Variants in DGCR2 observed in about 807,000 individuals in gnomAD.
DGCR2 encodes DiGeorge syndrome critical region gene 2.
In DGCR2, 24 loss-of-function variants were observed where a neutral mutation model predicts 51.6. The observed-to-expected ratio is 0.47, with a 90% CI of 0.34 to 0.65. DGCR2 has a LOEUF of 0.65. Among genes scored for constraint, DGCR2 ranks in the 30% least tolerant of loss-of-function variants. The pLI is 0.01. For missense variants in DGCR2, 765 were observed against 772.1 expected, an observed-to-expected ratio of 0.99 and a Z score of 0.11; for synonymous variants, 340 against 315.4, an observed-to-expected ratio of 1.08 and a Z score of -0.82.
chr22:19,091,886 A>G (rs554297208), intron 1 of DGCR2, among the ~76,000 whole-genome samples: 131 of 152,014 alleles, frequency 8.6e-4, no homozygotes, highest in Middle Eastern at 3.5e-3. Context: ...AAATTACAAA[A>G]GAAGAGCAAA....
Position 19,063,291 on chromosome 22 carries a change from G to C in DGCR2, c.549-13C>G. The C allele has an allele frequency of 3.7e-6, 6 of 1,609,776 alleles. No individual in the cohort carries two copies. The highest frequency in any genetic ancestry group is 5.1e-6 in the Non-Finnish European group (6 of 1,176,384). On this transcript the variant is annotated splice_polypyrimidine_tract_variant and intron_variant, in intron 4 of 9. Coordinates refer to ENST00000263196, the MANE Select transcript of DGCR2 (RefSeq NM_005137.3). ...GCCAACCCACAACCTGCAGGGCACAGAGACAGAGACAGAGATCTCAGCGGC... is the reference window on the plus strand; with the variant it reads ...GCCAACCCACAACCTGCAGGGCACACAGACAGAGACAGAGATCTCAGCGGC...
intron 6 of DGCR2, among the ~76,000 whole-genome samples, chr22:19,050,830 GA>G (rs977351494): frequency 6.6e-6 from 1 of 151,976 alleles, no homozygotes; most frequent in Non-Finnish European, 1.5e-5. Context: ...AAAATTTTAG[GA>G]AAAAAACACA....
intron 5 of DGCR2, among the ~76,000 whole-genome samples, chr22:19,060,219 A>T (rs1185002719): frequency 6.6e-6 from 1 of 152,216 alleles, no homozygotes. Context: ...CTGCTGACTG[A>T]GGCTTCTAAA....
Position 19,048,600 on chromosome 22 carries a change from C to T in DGCR2, c.846G>A (p.Gly282=). Residue 282 remains glycine, a synonymous_variant, in exon 7 of 10, where the codon GGG becomes GGA. Transcript: ENST00000263196. ...CGTCCCCCTTAGGGGTGAAGTAGAA[C>T]CCTTCATCCACCACGTTGTCCTTGA... ...VDIKDNVVDE[G]FYFTPKGDDP... The T allele has an allele frequency of 6.2e-7, 1 of 1,614,246 alleles. No homozygotes were observed. The highest frequency in any genetic ancestry group is 8.5e-7 in the Non-Finnish European group (1 of 1,180,040).
chr22:19,069,440 C>G (rs1474141787), intron 2 of DGCR2, among the ~76,000 whole-genome samples: 1 of 152,150 alleles, frequency 6.6e-6, no homozygotes, highest in Non-Finnish European at 1.5e-5. Context: ...TTGAAAAATA[C>G]AAAAGTTTGA....
chr22:19,052,868 T>A (rs999165882), intron 6 of DGCR2, among the ~76,000 whole-genome samples: 1 of 152,134 alleles, frequency 6.6e-6, no homozygotes, highest in Admixed American at 6.5e-5. Flanking sequence ...CCCCAAAAGG[T>A]TGCAACTATA....
chr22:19,062,584 C>T lies in DGCR2; in HGVS notation c.625+618G>A, dbSNP rs116241877. Among the ~76,000 whole-genome samples the T allele has an allele frequency of 6.1e-3, 935 of 152,180 alleles. 13 individuals carry two copies. The highest frequency in any genetic ancestry group is 0.021 in the African/African-American group (881 of 41,526). On this transcript the variant is annotated intron_variant, in intron 5 of 9. Coordinates refer to ENST00000263196, the MANE Select transcript of DGCR2 (RefSeq NM_005137.3). Reference sequence around the variant, plus strand: ...GCAGGGCAAGGGAGTGTGACCCTGGCGGCAGCTGGAGAAGGCACTGCTGGA... The same window carrying T: ...GCAGGGCAAGGGAGTGTGACCCTGGTGGCAGCTGGAGAAGGCACTGCTGGA...
intron 1 of DGCR2, among the ~76,000 whole-genome samples, chr22:19,106,789 G>A (rs2083264955): frequency 6.6e-6 from 1 of 152,080 alleles, no homozygotes; most frequent in Admixed American, 6.5e-5. Flanking sequence ...TGGGCTCTTT[G>A]ACCCAAATCC....
intron 6 of DGCR2, 102 bp from the exon 7 acceptor site, chr22:19,048,745 C>T (rs1056390643): frequency 1.8e-6 from 2 of 1,127,180 alleles, no homozygotes; most frequent in African/African-American, 1.5e-5. Flanking sequence ...CCGTGTGGGC[C>T]TGTGAATGCT....
chr22:19,076,809 C>T (rs920589179), intron 2 of DGCR2, among the ~76,000 whole-genome samples: 1 of 140,040 alleles, frequency 7.1e-6, no homozygotes, highest in Non-Finnish European at 1.5e-5. Flanking sequence ...CGGCTCACTG[C>T]AAGCTCCACC....
intron 2 of DGCR2, among the ~76,000 whole-genome samples, chr22:19,074,758 A>G (rs2082855836): frequency 6.6e-6 from 1 of 152,240 alleles, no homozygotes; most frequent in Non-Finnish European, 1.5e-5. Context: ...AAAAATTTGA[A>G]GTAGACAATC....
At chr22:19,049,644 T>C (rs776817027) in intron 6 of DGCR2, among the ~76,000 whole-genome samples, 3 of 152,052 alleles carry the variant, frequency 2.0e-5, no homozygotes, top group Non-Finnish European at 4.4e-5. Context: ...CTGGCCAACA[T>C]GGCAAAACCC....
chr22:19,062,779 A>ACTCACTCTCTCTCTCTCTCT (rs2082688729), intron 5 of DGCR2, among the ~76,000 whole-genome samples: 1 of 127,354 alleles, frequency 7.9e-6, no homozygotes, highest in South Asian at 2.9e-4. Context: ...ATGCATGCTC[A>ACTCACTCTCTCTCTCTCTCT]CTCTCTCTCT....
intron 1 of DGCR2, among the ~76,000 whole-genome samples, chr22:19,106,229 C>G (rs1348062189): frequency 6.6e-6 from 1 of 152,062 alleles, no homozygotes; most frequent in Non-Finnish European, 1.5e-5. Flanking sequence ...GTGATGAGGC[C>G]CAAAAGAGAA....
rs201078846 is a variant in DGCR2, at chr22:19,063,266, G to A, written c.561C>T (p.Gly187=). 1.9e-6 allele frequency: 3 copies of A among 1,614,100 alleles called. No individual in the cohort carries two copies. The highest frequency in any genetic ancestry group is 1.7e-6 in the Non-Finnish European group (2 of 1,180,004). The change falls in exon 5 of 10, where the codon GGC becomes GGT. Residue 187 remains glycine, a synonymous_variant. Coordinates refer to ENST00000263196, the MANE Select transcript of DGCR2 (RefSeq NM_005137.3). ...TCCGGCCAGTGATAACATACTGATA[G>A]CCAACCCACAACCTGCAGGGCACAG... The part of the protein sequence containing the change: ...GWKDQRKLWV[G]YQYVITGRNR...
intron 1 of DGCR2, among the ~76,000 whole-genome samples, chr22:19,095,029 T>C (rs1458958267): frequency 2.6e-5 from 4 of 152,230 alleles, no homozygotes; most frequent in Non-Finnish European, 4.4e-5. Flanking sequence ...GTTTGTTATC[T>C]TGACTGTGGT....
chr22:19,103,574 G>A (rs969204956), intron 1 of DGCR2, among the ~76,000 whole-genome samples: 20 of 149,886 alleles, frequency 1.3e-4, no homozygotes, highest in African/African-American at 3.4e-4. Flanking sequence ...GAGATTAGGC[G>A]CGCACCATCA....
intron 2 of DGCR2, among the ~76,000 whole-genome samples, chr22:19,086,352 G>A (rs1251896867): frequency 3.3e-5 from 5 of 151,944 alleles, no homozygotes; most frequent in East Asian, 3.9e-4. Flanking sequence ...GGTAGCAGGC[G>A]CCTGTAATCC....
chr22:19,096,894 CAA>C (rs35065228), intron 1 of DGCR2, among the ~76,000 whole-genome samples: 2 of 138,166 alleles, frequency 1.4e-5, no homozygotes, highest in African/African-American at 2.6e-5. Flanking sequence ...AAAAAAAAAA[CAA>C]AAAAAAAAAA....
Sources: allele counts gnomAD v4.1 joint callset (sites outside exome capture counted in the v4.1 genomes callset), GRCh38; gene constraint gnomAD v4.1.1; transcripts MANE v1.5; gene names NCBI Gene and HGNC (gene_info 2026-07-23, HGNC 2026-07-21).